The following PRKN variants were observed in gnomAD, a reference collection of about 807,000 sequenced individuals.
PRKN encodes parkin RBR E3 ubiquitin protein ligase.
In PRKN, 56 loss-of-function variants were observed where a neutral mutation model predicts 59.5. The ratio of observed to expected loss-of-function variants is 0.94; its 90% CI spans 0.76 to 1.18. The LOEUF is 1.18. Ranked by LOEUF, PRKN falls within the 50% of genes most tolerant of loss-of-function variation. The probability of loss-of-function intolerance (pLI) is 0.00; values close to 1 mark genes in which losing one functional copy is unlikely to be tolerated. For synonymous variants in PRKN, 250 were observed against 222.1 expected (o/e 1.13, Z -1.12); for missense variants, 657 against 596.4 (o/e 1.10, Z -1.06).
At chr6:162,262,787 A>T (rs1219962124) in intron 2 of PRKN, 22 bp from the exon 3 acceptor site, 22 of 1,369,424 alleles carry the variant, frequency 1.6e-5, no homozygotes, top group South Asian at 1.4e-4. Context: ...CAAGGTAAAA[A>T]AAAAAAAAAA....
At chr6:162,375,162 A>G (rs1785992960) in intron 2 of PRKN, among the ~76,000 whole-genome samples, 1 of 152,144 alleles carries the variant, frequency 6.6e-6, no homozygotes, top group Non-Finnish European at 1.5e-5. Flanking sequence ...AAACTATGGA[A>G]AAAGAGACCT....
rs537039684 is a variant in PRKN, at chr6:161,665,213, A to G, written c.872-95797T>C. Among the ~76,000 whole-genome samples, 4 of 152,160 alleles carry G rather than the reference A, an allele frequency of 2.6e-5. No individual in the cohort carries two copies. In the South Asian group the frequency reaches 8.3e-4, roughly 31 times the overall value. ...AATTTTATATTTTATTATTTAATAT[A>G]GATTTAGTATTATGTTCCTAAATCT... is the stretch of plus-strand genomic sequence containing the variant. On this transcript the variant is annotated intron_variant, in intron 7 of 11. Transcript: ENST00000366898.
In PRKN at chr6:161,550,653, T is replaced by C. The variant is rs764157986; in HGVS notation, c.934-1650A>G. ...AAAGAGGAGTCAACTGTGAGTGGAG[T>C]GTAGTTCCCCGTTTCCTGAGAAGAC... On this transcript the variant is annotated intron_variant, in intron 8 of 11. Transcript: ENST00000366898. The surrounding 1 kb of genome is among the most constrained non-coding windows in gnomAD (Gnocchi z 4.0). 1.1e-4 allele frequency among the ~76,000 whole-genome samples: 17 copies of C among 151,310 alleles called. No homozygotes were observed. The highest frequency in any genetic ancestry group is 1.8e-4 in the Non-Finnish European group (12 of 67,898).
intron 1 of PRKN, among the ~76,000 whole-genome samples, chr6:162,446,016 C>A (rs889350638): frequency 6.6e-6 from 1 of 151,886 alleles, no homozygotes; most frequent in Admixed American, 6.6e-5. Context: ...ACAAAGTGCT[C>A]CAAATAAAGA....
chr6:162,520,886 G>A (rs1467939380), intron 1 of PRKN, among the ~76,000 whole-genome samples: 1 of 151,862 alleles, frequency 6.6e-6, no homozygotes, highest in Non-Finnish European at 1.5e-5. Context: ...CAAATAGTAT[G>A]AGCATTTTAC....
intron 4 of PRKN, among the ~76,000 whole-genome samples, chr6:162,185,267 G>A (rs1306759071): frequency 6.6e-6 from 1 of 152,048 alleles, no homozygotes; most frequent in African/African-American, 2.4e-5. Context: ...ATTTCAAGCT[G>A]TACAAGGTAA....
chr6:161,685,096 T>C lies in PRKN; in HGVS notation c.871+100676A>G, dbSNP rs188382395. 1.7e-3 allele frequency among the ~76,000 whole-genome samples: 254 copies of C among 152,344 alleles called. 1 individual carries two copies. The highest frequency in any genetic ancestry group is 5.7e-3 in the African/African-American group (238 of 41,582). ...TTCTACAGAATATTTCTATTCTATG[T>C]TCTAATGTAAAAATATTCATTTTTT... On this transcript the variant is annotated intron_variant, in intron 7 of 11. Transcript: ENST00000366898.
chr6:162,605,233 G>A (rs941687720), intron 1 of PRKN, among the ~76,000 whole-genome samples: 11 of 151,608 alleles, frequency 7.3e-5, no homozygotes, highest in Admixed American at 2.6e-4. Flanking sequence ...TAAGAATAGA[G>A]AAGATTAACT....
At chr6:162,621,048 T>C (rs1015562248) in intron 1 of PRKN, among the ~76,000 whole-genome samples, 5 of 152,306 alleles carry the variant, frequency 3.3e-5, no homozygotes, top group South Asian at 4.1e-4. Context: ...TTTAGTCTCA[T>C]TGGAAGCTTG....
rs530927095 is a variant in PRKN at position 161,502,995 on chromosome 6, A to G, written c.1083+45859T>C. On this transcript the variant is annotated intron_variant, in intron 9 of 11. Transcript: ENST00000366898. The surrounding 1 kb of genome is among the most constrained non-coding windows in gnomAD (Gnocchi z 4.0). ...TGGCAAGGATTGAGTTAGATGATACATATCCAATGTTAAGCACCATGTCTG... is the reference window on the plus strand; with the variant it reads ...TGGCAAGGATTGAGTTAGATGATACGTATCCAATGTTAAGCACCATGTCTG... Among the ~76,000 whole-genome samples the G allele has an allele frequency of 6.6e-6, 1 of 152,328 alleles. No homozygotes were observed. Among genetic ancestry groups the G allele is most frequent in the Admixed American group, 6.5e-5 (1 of 15,302 alleles).
chr6:162,043,758 A>G (rs888840463), intron 5 of PRKN, among the ~76,000 whole-genome samples: 1 of 152,374 alleles, frequency 6.6e-6, no homozygotes. Flanking sequence ...TTCTAGGAAG[A>G]TTGACAAGAA....
In PRKN at chr6:162,064,875, C is replaced by T. The variant is rs150032905; in HGVS notation, c.535-10701G>A. Among the ~76,000 whole-genome samples, 25 of 152,338 alleles carry T rather than the reference C, an allele frequency of 1.6e-4. No individual in the cohort carries two copies. The East Asian group carries it at 4.8e-3, about 29-fold the overall frequency. On this transcript the variant is annotated intron_variant, in intron 4 of 11. Coordinates refer to ENST00000366898, the MANE Select transcript of PRKN (RefSeq NM_004562.3). ...AGTCCCCAGAATTCTCATTAATGGC[C>T]TCTTTTCTCTTTGTCCCATGTGATG...
At chr6:162,059,625 G>A (rs1778012608) in intron 4 of PRKN, among the ~76,000 whole-genome samples, 1 of 152,160 alleles carries the variant, frequency 6.6e-6, no homozygotes, top group South Asian at 2.1e-4. Flanking sequence ...ATGATAATAC[G>A]TCAATTAGAG....
chr6:162,522,650 A>G (rs540445456), intron 1 of PRKN, among the ~76,000 whole-genome samples: 21 of 152,322 alleles, frequency 1.4e-4, no homozygotes, highest in African/African-American at 5.1e-4. Flanking sequence ...ACCTTACTCC[A>G]AGAGCTATTA....
At chr6:162,263,003 G>A (rs1039249830) in intron 2 of PRKN, among the ~76,000 whole-genome samples, 3 of 152,084 alleles carry the variant, frequency 2.0e-5, no homozygotes, top group Non-Finnish European at 1.5e-5. Flanking sequence ...GAATGCTGAC[G>A]TCATATTCAA....
chr6:161,495,559 C>T (rs568962826), intron 9 of PRKN, among the ~76,000 whole-genome samples: 1 of 152,280 alleles, frequency 6.6e-6, no homozygotes, highest in African/African-American at 2.4e-5. Context: ...GGCATGTTCC[C>T]AGCCCTTCTC....
At chr6:162,335,456 G>T (rs1783799648) in intron 2 of PRKN, among the ~76,000 whole-genome samples, 2 of 152,130 alleles carry the variant, frequency 1.3e-5, no homozygotes, top group South Asian at 4.1e-4. Flanking sequence ...GCACTTTCTT[G>T]CTATATTTGT....
chr6:162,600,515 C>A (rs1220477909), intron 1 of PRKN, among the ~76,000 whole-genome samples: 3 of 152,180 alleles, frequency 2.0e-5, no homozygotes, highest in East Asian at 3.9e-4. Flanking sequence ...AGATCCCATA[C>A]CCCAAAACGC....
chr6:161,392,790 T>C (rs1012899875), intron 9 of PRKN, among the ~76,000 whole-genome samples: 1 of 151,612 alleles, frequency 6.6e-6, no homozygotes, highest in African/African-American at 2.4e-5. Flanking sequence ...AAAGATTTAA[T>C]AGAGGCTAAA....
Sources: gnomAD v4.1 joint callset for allele counts (sites outside exome capture counted in the v4.1 genomes callset) on GRCh38, gnomAD v4.1.1 for gene constraint, Gnocchi (gnomAD v3.1) non-coding constraint, MANE v1.5 for transcripts, NCBI Gene and HGNC (gene_info 2026-07-23, HGNC 2026-07-21) for gene names.